The following LYPLAL1 variants were observed in gnomAD, a reference collection of about 807,000 sequenced individuals.
The protein encoded by LYPLAL1 is lysophospholipase like 1.
In LYPLAL1, 23 loss-of-function variants were observed where a neutral mutation model predicts 19.7. The observed-to-expected ratio is 1.17, with a 90% CI of 0.84 to 1.65. The LOEUF (loss-of-function observed/expected upper bound fraction) is 1.65, where lower values mean the gene tolerates loss of function less well. Among genes scored for constraint, LYPLAL1 ranks in the 40% most tolerant of loss-of-function variants. The pLI is 0.00. For missense variants in LYPLAL1, 355 were observed against 279.4 expected, an observed-to-expected ratio of 1.27 and a Z score of -1.93; for synonymous variants, 119 against 96.3, an observed-to-expected ratio of 1.24 and a Z score of -1.38.
the LYPLAL1 span, among the ~76,000 whole-genome samples, chr1:219,374,432 C>T: frequency 6.6e-6 from 1 of 152,090 alleles, no homozygotes; most frequent in African/African-American, 2.4e-5. Flanking sequence ...CAAAAACTTC[C>T]AAAGAGTGAT....
At chr1:219,417,358 G>T in the LYPLAL1 span, among the ~76,000 whole-genome samples, 3 of 152,108 alleles carry the variant, frequency 2.0e-5, no homozygotes, top group African/African-American at 7.2e-5. Flanking sequence ...ATAGAAACTT[G>T]AAAAACAGTC....
the LYPLAL1 span, among the ~76,000 whole-genome samples, chr1:219,371,710 C>T: frequency 6.6e-6 from 1 of 152,166 alleles, no homozygotes; most frequent in Non-Finnish European, 1.5e-5. Flanking sequence ...AAACGCCAAG[C>T]TGTAACCAAT....
At chr1:219,332,196 T>A in the LYPLAL1 span, among the ~76,000 whole-genome samples, 1 of 152,112 alleles carries the variant, frequency 6.6e-6, no homozygotes, top group Admixed American at 6.6e-5. Flanking sequence ...AGACACCACA[T>A]GAAAAGACAA....
chr1:219,353,916 A>G, the LYPLAL1 span, among the ~76,000 whole-genome samples: 1 of 152,186 alleles, frequency 6.6e-6, no homozygotes, highest in Non-Finnish European at 1.5e-5. Context: ...TATAATAAAG[A>G]GACATGGAAA....
the LYPLAL1 span, among the ~76,000 whole-genome samples, chr1:219,419,409 T>C: frequency 6.6e-6 from 1 of 152,062 alleles, no homozygotes; most frequent in South Asian, 2.1e-4. Flanking sequence ...GGCAATCATC[T>C]CTCAATGAAA....
the LYPLAL1 span, among the ~76,000 whole-genome samples, chr1:219,307,817 T>G: frequency 1.3e-5 from 2 of 152,200 alleles, no homozygotes; most frequent in African/African-American, 4.8e-5. Context: ...TGCTTTTGCT[T>G]CCTCCTTATT....
the LYPLAL1 span, among the ~76,000 whole-genome samples, chr1:219,327,992 T>A: frequency 6.6e-6 from 1 of 152,116 alleles, no homozygotes; most frequent in East Asian, 1.9e-4. Context: ...AAAATTGATT[T>A]TTAAACTAAA....
chr1:219,346,924 T>A, the LYPLAL1 span, among the ~76,000 whole-genome samples: 1 of 152,206 alleles, frequency 6.6e-6, no homozygotes, highest in Non-Finnish European at 1.5e-5. Context: ...AAATGTATTT[T>A]AACAAACACC....
the LYPLAL1 span, among the ~76,000 whole-genome samples, chr1:219,220,621 G>A: frequency 6.6e-6 from 1 of 152,068 alleles, no homozygotes; most frequent in African/African-American, 2.4e-5. Context: ...CCTTACTAAG[G>A]CATGTGAACC....
chr1:219,253,674 C>T, the LYPLAL1 span, among the ~76,000 whole-genome samples: 2 of 151,960 alleles, frequency 1.3e-5, no homozygotes, highest in Non-Finnish European at 2.9e-5. Context: ...TTTACATTTG[C>T]TGAGGATTGT....
At chr1:219,407,963 A>C in the LYPLAL1 span, among the ~76,000 whole-genome samples, 1 of 152,050 alleles carries the variant, frequency 6.6e-6, no homozygotes, top group Non-Finnish European at 1.5e-5. Flanking sequence ...ATTCATGAAG[A>C]CTTCACCTTC....
the LYPLAL1 span, among the ~76,000 whole-genome samples, chr1:219,421,922 C>T: frequency 1.3e-5 from 2 of 152,288 alleles, no homozygotes; most frequent in East Asian, 1.9e-4. Flanking sequence ...AGCAATCATT[C>T]GCATTTTGTG....
the LYPLAL1 span, among the ~76,000 whole-genome samples, chr1:219,237,788 A>G: frequency 6.6e-6 from 1 of 151,976 alleles, no homozygotes; most frequent in Non-Finnish European, 1.5e-5. Context: ...TGGCACCTAC[A>G]TTATAATTCT....
At chr1:219,286,526 TTTGCAGCATCCTTATGTAAAATGCA>T in the LYPLAL1 span, among the ~76,000 whole-genome samples, 1 of 152,138 alleles carries the variant, frequency 6.6e-6, no homozygotes, top group Non-Finnish European at 1.5e-5. Flanking sequence ...CTCTCTGAAT[TTTGCAGCATCCTTATGTAAAATGCA>T]TTCTAGCAAA....
chr1:219,304,393 T>A, the LYPLAL1 span, among the ~76,000 whole-genome samples: 1 of 152,228 alleles, frequency 6.6e-6, no homozygotes, highest in South Asian at 2.1e-4. Context: ...CACTGGCATA[T>A]GTGGGTAGCC....
At chr1:219,191,893 A>G (rs1442753664) in intron 2 of LYPLAL1, among the ~76,000 whole-genome samples, 2 of 151,692 alleles carry the variant, frequency 1.3e-5, no homozygotes, top group Non-Finnish European at 3.0e-5. Flanking sequence ...ATTTGAGTAA[A>G]TAAAAGATCC....
intron 2 of LYPLAL1, among the ~76,000 whole-genome samples, chr1:219,185,289 G>A (rs149884787): frequency 1.1e-4 from 17 of 149,242 alleles, no homozygotes; most frequent in East Asian, 5.9e-4. Context: ...CTTTTTTTTC[G>A]TGGTTCATCT....
At chr1:219,441,662 T>C in the LYPLAL1 span, among the ~76,000 whole-genome samples, 3 of 152,326 alleles carry the variant, frequency 2.0e-5, no homozygotes, top group Non-Finnish European at 2.9e-5. Context: ...AGAAACACTT[T>C]CGTAAGGAAA....
At chr1:219,274,815 A>G in the LYPLAL1 span, among the ~76,000 whole-genome samples, 2 of 152,212 alleles carry the variant, frequency 1.3e-5, no homozygotes, top group Non-Finnish European at 2.9e-5. Flanking sequence ...TGACATTATC[A>G]CATGAGATCA....
Sources: allele counts gnomAD v4.1 joint callset (sites outside exome capture counted in the v4.1 genomes callset), GRCh38; gene constraint gnomAD v4.1.1; transcripts MANE v1.5; gene names NCBI Gene and HGNC (gene_info 2026-07-23, HGNC 2026-07-21).